The following KLKB1 variants were observed in gnomAD, a reference collection of about 807,000 sequenced individuals.
The protein encoded by KLKB1 is plasma kallikrein.
Under a neutral mutation model 73.6 loss-of-function variants are expected in KLKB1, and 58 were observed. The observed-to-expected ratio is 0.79, with a 90% CI of 0.64 to 0.98. KLKB1 has a LOEUF of 0.98. KLKB1 is among the 50% of genes least tolerant of loss of function. The pLI, the probability that KLKB1 is intolerant of heterozygous loss-of-function variation, is 0.00. For synonymous variants in KLKB1, 280 were observed against 258.1 expected (o/e 1.08, Z -0.81); for missense variants, 737 against 763.8 (o/e 0.96, Z 0.41).
At chr4:186,252,959 T>C (rs923128137) in intron 11 of KLKB1, among the ~76,000 whole-genome samples, 1 of 152,240 alleles carries the variant, frequency 6.6e-6, no homozygotes, top group Admixed American at 6.5e-5. Flanking sequence ...AGTCTTAAAA[T>C]ACTGAGGCTT....
chr4:186,215,829 T>A (rs1289603666), intron 2 of KLKB1, among the ~76,000 whole-genome samples: 1 of 152,186 alleles, frequency 6.6e-6, no homozygotes, highest in East Asian at 1.9e-4. Context: ...CAACTAATTT[T>A]TTCATATTGC....
intron 2 of KLKB1, among the ~76,000 whole-genome samples, chr4:186,218,563 G>C (rs1736960873): frequency 6.6e-6 from 1 of 151,784 alleles, no homozygotes; most frequent in Non-Finnish European, 1.5e-5. Flanking sequence ...ATAGTGTTTT[G>C]ATATACATGT....
chr4:186,243,126 G>A (rs369683960), intron 6 of KLKB1, among the ~76,000 whole-genome samples: 12 of 152,170 alleles, frequency 7.9e-5, no homozygotes, highest in East Asian at 1.9e-4. Flanking sequence ...AGTCCTGGGC[G>A]GGGGCAAATC....
chr4:186,245,832 T>TTTTTAA, intron 6 of KLKB1, among the ~76,000 whole-genome samples: 1 of 140,234 alleles, frequency 7.1e-6, no homozygotes, highest in Non-Finnish European at 1.6e-5. Context: ...TGGTTTTTTT[T>TTTTTAA]TTTTAATGTC....
At chr4:186,230,756 T>A (rs779689225) in intron 2 of KLKB1, among the ~76,000 whole-genome samples, 1 of 152,204 alleles carries the variant, frequency 6.6e-6, no homozygotes, top group Non-Finnish European at 1.5e-5. Flanking sequence ...GACCTGCCAT[T>A]GTATGCATCC....
chr4:186,223,580 A>G (rs1380789192), upstream of KLKB1, among the ~76,000 whole-genome samples: 3 of 152,166 alleles, frequency 2.0e-5, no homozygotes, highest in Non-Finnish European at 4.4e-5. Context: ...GAGAGAGATG[A>G]TTTAGGGTAT....
intron 7 of KLKB1, 161 bp from the exon 8 acceptor site, chr4:186,251,058 C>A: frequency 1.6e-6 from 1 of 610,076 alleles, no homozygotes; most frequent in Non-Finnish European, 2.9e-6. Context: ...TTAATCTCTG[C>A]AATTTATTAG....
At chr4:186,242,645 G>A (rs2126651085) in intron 6 of KLKB1, among the ~76,000 whole-genome samples, 1 of 152,286 alleles carries the variant, frequency 6.6e-6, no homozygotes, top group South Asian at 2.1e-4. Context: ...AGAAAAACAG[G>A]TGTTAAAGGA....
chr4:186,236,809 T>A lies in KLKB1; in HGVS notation c.357T>A (p.Val119=), dbSNP rs760200613. ...GCCATCGAGACATTTATAAAGGAGT[T>A]GATATGAGAGGAGTCAATTTTAATG... ...SACHRDIYKG[V]DMRGVNFNVS... is the part of the protein sequence containing the mutation. The change falls in exon 5 of 15, where the codon GTT becomes GTA. Residue 119 remains valine, a synonymous_variant. Coordinates refer to ENST00000264690, the MANE Select transcript of KLKB1 (RefSeq NM_000892.5). 6.2e-7 allele frequency: 1 copy of A among 1,613,942 alleles called. No individual in the cohort carries two copies. The highest frequency in any genetic ancestry group is 8.5e-7 in the Non-Finnish European group (1 of 1,179,922).
intron 2 of KLKB1, among the ~76,000 whole-genome samples, chr4:186,221,250 C>T (rs1737025804): frequency 6.6e-6 from 1 of 151,058 alleles, no homozygotes. Flanking sequence ...ATAACAGTGT[C>T]ATTGACCTTT....
rs750474157 is a variant in KLKB1, at chr4:186,254,732, G to A, written c.1458G>A (p.Leu486=). ...CAGAAGGGAATCATGATATCGCCTT[G>A]ATAAAACTCCAGGCTCCTTTGAATT... ...KVSEGNHDIA[L]IKLQAPLNYT... The change falls in exon 12 of 15, where the codon TTG becomes TTA. Residue 486 remains leucine, a synonymous_variant. Transcript: ENST00000264690. The A allele has an allele frequency of 1.4e-4, 233 of 1,613,796 alleles. No homozygotes were observed. Among genetic ancestry groups the A allele is most frequent in the Non-Finnish European group, 1.9e-4 (228 of 1,179,826 alleles).
In KLKB1 at chr4:186,257,347, G is replaced by A; in HGVS notation, c.1707G>A (p.Gly569=). ...QRMVCAGYKE[G]GKDACKGDSG... ...TGGTCTGTGCTGGCTATAAAGAAGG[G>A]GGAAAAGATGCTTGTAAGGTAACTC... is the stretch of plus-strand genomic sequence containing the variant. Residue 569 remains glycine, a synonymous_variant, in exon 14 of 15, where the codon GGG becomes GGA. Coordinates refer to ENST00000264690, the MANE Select transcript of KLKB1 (RefSeq NM_000892.5). 2 of 1,589,216 alleles carry A rather than the reference G, an allele frequency of 1.3e-6. No individual in the cohort carries two copies. Among genetic ancestry groups the A allele is most frequent in the Middle Eastern group, 1.7e-4 (1 of 5,956 alleles).
At chr4:186,245,823 G>GTTT (rs1561460148) in intron 6 of KLKB1, among the ~76,000 whole-genome samples, 4 of 48,602 alleles carry the variant, frequency 8.2e-5, no homozygotes, top group Non-Finnish European at 1.2e-4. Context: ...TTTGTTTTTT[G>GTTT]GTTTTTTTTT....
At chr4:186,246,130 C>G (rs924334599) in intron 6 of KLKB1, among the ~76,000 whole-genome samples, 1 of 151,564 alleles carries the variant, frequency 6.6e-6, no homozygotes, top group Non-Finnish European at 1.5e-5. Flanking sequence ...GTAAGCTGGA[C>G]CGGGTGTGAG....
rs535087695 is a variant in KLKB1 at position 186,237,854 on chromosome 4, A to G, written c.489-402A>G. Among the ~76,000 whole-genome samples, 25 of 152,014 alleles carry G rather than the reference A, an allele frequency of 1.6e-4. No individual in the cohort carries two copies. In the South Asian group the frequency reaches 4.4e-3, roughly 26 times the overall value. Reference sequence around the variant, plus strand: ...GTCACCTTCCCAGTCTCTACTGTCTATCGCTCCATGCTCTACTCAATTTTG... The same window carrying G: ...GTCACCTTCCCAGTCTCTACTGTCTGTCGCTCCATGCTCTACTCAATTTTG... On this transcript the variant is annotated intron_variant, in intron 5 of 14. Transcript: ENST00000264690.
In KLKB1 at chr4:186,258,031, G is replaced by T. The variant is rs754351163; in HGVS notation, c.1736G>T (p.Gly579Val). 2 of 1,613,832 alleles carry T rather than the reference G, an allele frequency of 1.2e-6. No homozygotes were observed. Among genetic ancestry groups the T allele is most frequent in the Non-Finnish European group, 1.7e-6 (2 of 1,179,860 alleles). ...TCCACTGTGACTCAGGGAGATTCAG[G>T]TGGTCCCTTAGTTTGCAAACACAAT... ...GGKDACKGDS[G>V]GPLVCKHNGM... The change falls in exon 15 of 15, where the codon GGT (glycine) becomes GTT (valine). Residue 579 changes from glycine (G) to valine (V), a missense_variant. Transcript: ENST00000264690.
intron 2 of KLKB1, among the ~76,000 whole-genome samples, chr4:186,220,355 C>T (rs1357846432): frequency 4.6e-5 from 7 of 152,146 alleles, no homozygotes; most frequent in African/African-American, 9.7e-5. Flanking sequence ...GCCATTCCAC[C>T]GTTCTATCAA....
chr4:186,234,208 C>A (rs1737543992), intron 4 of KLKB1, 150 bp downstream of exon 4: 1 of 687,070 alleles, frequency 1.5e-6, no homozygotes, highest in African/African-American at 1.8e-5. Context: ...AAAAGAGGGA[C>A]CCATATTCAT....
chr4:186,220,031 CAGT>C (rs1736998735), intron 2 of KLKB1, among the ~76,000 whole-genome samples: 2 of 152,004 alleles, frequency 1.3e-5, no homozygotes, highest in African/African-American at 4.8e-5. Context: ...GCTTAACTTC[CAGT>C]TTAATGGAAT....
Sources: gnomAD v4.1 joint callset for allele counts (sites outside exome capture counted in the v4.1 genomes callset) on GRCh38, gnomAD v4.1.1 for gene constraint, MANE v1.5 for transcripts, NCBI Gene and HGNC (gene_info 2026-07-23, HGNC 2026-07-21) for gene names.